Variants in LHFPL1 observed in about 807,000 individuals in gnomAD.
The protein encoded by LHFPL1 is LHFPL tetraspan subfamily member 1 protein.
A neutral mutation model predicts 12.1 loss-of-function variants in LHFPL1; 4 were observed. The observed-to-expected ratio is 0.33, with a 90% CI of 0.16 to 0.76. The LOEUF (loss-of-function observed/expected upper bound fraction) is 0.76. Among genes scored for constraint, LHFPL1 ranks in the 30% least tolerant of loss-of-function variants. The probability of loss-of-function intolerance (pLI) is 0.61; values close to 1 mark genes in which losing one functional copy is unlikely to be tolerated. For missense variants in LHFPL1, 141 were observed against 174.1 expected, an observed-to-expected ratio of 0.81 and a Z score of 1.07; for synonymous variants, 52 against 61.9, an observed-to-expected ratio of 0.84 and a Z score of 0.75.
chrX:112,654,323 T>C (rs1930934853), intron 3 of LHFPL1, among the ~76,000 whole-genome samples: 2 of 111,354 alleles, frequency 1.8e-5, no homozygotes, highest in Non-Finnish European at 3.8e-5. Context: ...GAGATAGCAA[T>C]AAACAACACA....
At chrX:112,655,624 G>A (rs974624109) in intron 3 of LHFPL1, among the ~76,000 whole-genome samples, 3 of 111,799 alleles carry the variant, frequency 2.7e-5, no homozygotes, top group Non-Finnish European at 3.8e-5. Context: ...AACCATGTCA[G>A]GGTAAAAAGC....
At position 112,660,872 on chromosome X, in the gene LHFPL1, C is replaced by G. The variant is rs2147720245; in HGVS notation, c.383-147G>C. On this transcript the variant is annotated intron_variant, in intron 2 of 3. Coordinates refer to ENST00000371968, the MANE Select transcript of LHFPL1 (RefSeq NM_178175.4). ...CCCTAAATTTCTATGAGAGTACCAA[C>G]TCAACAGGATTTTATTTTTGGCCAT... The G allele has an allele frequency of 1.4e-5, 6 of 438,118 alleles. No homozygotes were observed. In the South Asian group the frequency reaches 2.8e-4, roughly 20 times the overall value. The allele number at this position is 438,118 out of a possible 1,213,427, so 36.1% of individuals were successfully genotyped here. A position where few individuals can be genotyped will look rare whatever the true frequency, so the allele number is the denominator to read the frequency against.
At chrX:112,664,281 G>A (rs761322000) in intron 2 of LHFPL1, among the ~76,000 whole-genome samples, 5 of 111,801 alleles carry the variant, frequency 4.5e-5, no homozygotes, top group Non-Finnish European at 7.5e-5. Flanking sequence ...AAAGTGCCTC[G>A]TACATAGCAA....
intron 2 of LHFPL1, among the ~76,000 whole-genome samples, chrX:112,664,034 T>C (rs942424728): frequency 1.1e-4 from 12 of 112,502 alleles, no homozygotes; most frequent in African/African-American, 3.9e-4. Context: ...AAATCCCTTA[T>C]ACAAAATGAT....
intron 3 of LHFPL1, among the ~76,000 whole-genome samples, chrX:112,658,438 A>G (rs1185745514): frequency 9.4e-6 from 1 of 106,110 alleles, no homozygotes; most frequent in Non-Finnish European, 2.0e-5. Context: ...AAACAAAAAA[A>G]AAAAAGAAAA....
At chrX:112,669,858 T>C (rs931661639) in intron 2 of LHFPL1, among the ~76,000 whole-genome samples, 1 of 111,492 alleles carries the variant, frequency 9.0e-6, no homozygotes, top group African/African-American at 3.3e-5. Context: ...GCAAAAGTAG[T>C]CCCCATTGAG....
At chrX:112,653,463 T>G (rs1930910868) in intron 3 of LHFPL1, among the ~76,000 whole-genome samples, 1 of 112,251 alleles carries the variant, frequency 8.9e-6, no homozygotes, top group African/African-American at 3.2e-5. Flanking sequence ...AAAAACATAT[T>G]AATTATCGTT....
At chrX:112,656,961 A>G (rs1423915689) in intron 3 of LHFPL1, among the ~76,000 whole-genome samples, 1 of 112,015 alleles carries the variant, frequency 8.9e-6, no homozygotes, top group Non-Finnish European at 1.9e-5. Context: ...CCAGCATCTC[A>G]AAAGTGTATC....
intron 3 of LHFPL1, among the ~76,000 whole-genome samples, chrX:112,655,511 C>T (rs1032440056): frequency 6.3e-5 from 7 of 111,856 alleles, no homozygotes; most frequent in Middle Eastern, 4.2e-3. Context: ...TAGGAGGCTG[C>T]AGAAAGCCTA....
intron 3 of LHFPL1, among the ~76,000 whole-genome samples, chrX:112,642,633 A>C (rs1233217027): frequency 9.1e-6 from 1 of 109,438 alleles, no homozygotes; most frequent in Non-Finnish European, 1.9e-5. Context: ...ATGTGAAAAT[A>C]AGGCCAATTG....
intron 3 of LHFPL1, among the ~76,000 whole-genome samples, chrX:112,631,902 T>C (rs1016875675): frequency 2.7e-5 from 3 of 111,579 alleles, no homozygotes; most frequent in Non-Finnish European, 3.8e-5. Flanking sequence ...AAGAACAACT[T>C]GATAAGATGT....
At chrX:112,652,767 T>C (rs1407098862) in intron 3 of LHFPL1, among the ~76,000 whole-genome samples, 1 of 112,196 alleles carries the variant, frequency 8.9e-6, no homozygotes, top group Non-Finnish European at 1.9e-5. Flanking sequence ...GGCTTTGTGC[T>C]ATCAGTTGAG....
At chrX:112,673,127 C>T (rs1029148749) in intron 1 of LHFPL1, among the ~76,000 whole-genome samples, 1 of 111,780 alleles carries the variant, frequency 8.9e-6, no homozygotes, top group East Asian at 2.8e-4. Context: ...CAGATCAGAG[C>T]CCAGTTATTT....
At chrX:112,638,645 T>C (rs923547873) in intron 3 of LHFPL1, among the ~76,000 whole-genome samples, 4 of 111,936 alleles carry the variant, frequency 3.6e-5, no homozygotes, top group African/African-American at 1.3e-4. Flanking sequence ...TCATGGCACA[T>C]GGAGACTGAT....
At chrX:112,655,770 T>C (rs749724871) in intron 3 of LHFPL1, among the ~76,000 whole-genome samples, 1 of 111,615 alleles carries the variant, frequency 9.0e-6, no homozygotes, top group African/African-American at 3.3e-5. Flanking sequence ...GGTTTCACCA[T>C]GTTTCCCAGG....
In LHFPL1 at chrX:112,671,232, A is replaced by G. The variant is rs148325546; in HGVS notation, c.159T>C (p.Pro53=). The G allele has an allele frequency of 5.8e-6, 7 of 1,210,406 alleles. No homozygotes were observed. In the African/African-American group the frequency reaches 1.2e-4, roughly 21 times the overall value. The change falls in exon 2 of 4, where the codon CCT becomes CCC. Residue 53 remains proline (P), a synonymous_variant. Coordinates refer to ENST00000371968, the MANE Select transcript of LHFPL1 (RefSeq NM_178175.4). ...SFSTFRRCNY[P]VRGEGHSLIM... ...TCAGACTGTGTCCCTCTCCCCGCAC[A>G]GGGTAGTTGCACCTCCGGAATGTGC...
chrX:112,674,217 G>C (rs1321610044), intron 1 of LHFPL1, among the ~76,000 whole-genome samples: 1 of 111,784 alleles, frequency 8.9e-6, no homozygotes, highest in Non-Finnish European at 1.9e-5. Flanking sequence ...AACAACTAGT[G>C]CTGGGATAAT....
chrX:112,658,251 C>A (rs1931069521), intron 3 of LHFPL1, among the ~76,000 whole-genome samples: 1 of 109,518 alleles, frequency 9.1e-6, no homozygotes, highest in Non-Finnish European at 1.9e-5. Flanking sequence ...TAGTGAAACC[C>A]CATCTCTCCT....
Position 112,639,872 on chromosome X carries a change from A to C in LHFPL1, c.482-8271T>G, listed in dbSNP as rs16987034. The stretch of plus-strand genomic sequence containing the variant: ...TATACAGCCTGTCAGCTACACCTGG[A>C]GCAGATTCTCAGAAGAGCTTTGGGC... On this transcript the variant is annotated intron_variant, in intron 3 of 3. Coordinates refer to ENST00000371968, the MANE Select transcript of LHFPL1 (RefSeq NM_178175.4). Among the ~76,000 whole-genome samples the C allele has an allele frequency of 6.0e-3, 668 of 111,989 alleles. 7 individuals are homozygous for C. Among genetic ancestry groups the C allele is most frequent in the African/African-American group, 0.021 (632 of 30,827 alleles).
Sources: allele counts gnomAD v4.1 joint callset (sites outside exome capture counted in the v4.1 genomes callset), GRCh38; gene constraint gnomAD v4.1.1; transcripts MANE v1.5; gene names NCBI Gene and HGNC (gene_info 2026-07-23, HGNC 2026-07-21).